The following MDGA2 variants were observed in gnomAD, a reference collection of about 807,000 sequenced individuals.
MDGA2 encodes MAM domain containing glycosylphosphatidylinositol anchor 2.
In MDGA2, 40 loss-of-function variants were observed where a neutral mutation model predicts 117.8. That is an observed-to-expected ratio of 0.34 (90% CI 0.26 to 0.44). The LOEUF (loss-of-function observed/expected upper bound fraction) is 0.44, where lower values mean the gene tolerates loss of function less well. Among genes scored for constraint, MDGA2 ranks in the 20% least tolerant of loss-of-function variants. The probability of loss-of-function intolerance (pLI) is 1.00; values close to 1 mark genes in which losing one functional copy is unlikely to be tolerated. For synonymous variants in MDGA2, 452 were observed against 439.0 expected (o/e 1.03, Z -0.37); for missense variants, 1,123 against 1,250.6 (o/e 0.90, Z 1.54).
chr14:47,631,338 G>T (rs1308735402), intron 1 of MDGA2, among the ~76,000 whole-genome samples: 1 of 152,154 alleles, frequency 6.6e-6, no homozygotes, highest in South Asian at 2.1e-4. Flanking sequence ...ACACTGGAGA[G>T]TAATTTTTGA....
At chr14:47,233,090 A>G (rs528202446) in intron 2 of MDGA2, among the ~76,000 whole-genome samples, 3 of 152,302 alleles carry the variant, frequency 2.0e-5, no homozygotes, top group Non-Finnish European at 4.4e-5. Flanking sequence ...GTGTACTTAC[A>G]CTTTAATAAA....
chr14:47,054,113 ATC>A (rs1889577250), intron 7 of MDGA2, among the ~76,000 whole-genome samples: 1 of 151,862 alleles, frequency 6.6e-6, no homozygotes. Context: ...CCAGCACCTT[ATC>A]TGATTCCTAT....
intron 1 of MDGA2, among the ~76,000 whole-genome samples, chr14:47,413,078 A>T (rs1384195913): frequency 6.6e-6 from 1 of 152,178 alleles, no homozygotes. Flanking sequence ...ATGTGAATAA[A>T]ATCATTCCAT....
At chr14:47,300,536 C>A (rs1300630745) in intron 2 of MDGA2, among the ~76,000 whole-genome samples, 2 of 151,896 alleles carry the variant, frequency 1.3e-5, no homozygotes, top group South Asian at 4.1e-4. Flanking sequence ...GTTGCCCAGA[C>A]TGGAGTGTGG....
At chr14:46,981,333 G>A (rs1276015788) in intron 8 of MDGA2, among the ~76,000 whole-genome samples, 3 of 152,056 alleles carry the variant, frequency 2.0e-5, no homozygotes, top group Non-Finnish European at 2.9e-5. Flanking sequence ...GAACCCAGAA[G>A]GCAGAGGTTG....
At chr14:47,201,661 A>G (rs1885511931) in intron 3 of MDGA2, among the ~76,000 whole-genome samples, 2 of 152,246 alleles carry the variant, frequency 1.3e-5, no homozygotes, top group Non-Finnish European at 2.9e-5. Flanking sequence ...AATGGACAAC[A>G]CATACGAACT....
chr14:47,619,205 C>T (rs1450246849), intron 1 of MDGA2, among the ~76,000 whole-genome samples: 1 of 151,758 alleles, frequency 6.6e-6, no homozygotes, highest in African/African-American at 2.4e-5. Flanking sequence ...CTATACCGCA[C>T]CTAGCATTGT....
intron 2 of MDGA2, among the ~76,000 whole-genome samples, chr14:47,256,002 T>C (rs1331415465): frequency 6.6e-6 from 1 of 152,050 alleles, no homozygotes; most frequent in African/African-American, 2.4e-5. Context: ...ACTCTCTACA[T>C]TTAGTGGGAA....
intron 8 of MDGA2, among the ~76,000 whole-genome samples, chr14:47,012,101 A>T (rs1430768139): frequency 6.6e-6 from 1 of 152,122 alleles, no homozygotes; most frequent in African/African-American, 2.4e-5. Context: ...AAAATAGTGT[A>T]TGATGACAAG....
intron 9 of MDGA2, among the ~76,000 whole-genome samples, chr14:46,953,294 A>G (rs1885435588): frequency 6.7e-6 from 1 of 150,360 alleles, no homozygotes; most frequent in Non-Finnish European, 1.5e-5. Flanking sequence ...AAAATCTATT[A>G]TATATATACA....
intron 3 of MDGA2, among the ~76,000 whole-genome samples, chr14:47,183,088 T>C (rs1284495228): frequency 6.6e-6 from 1 of 152,186 alleles, no homozygotes; most frequent in African/African-American, 2.4e-5. Context: ...TTTATATGTA[T>C]ACATGTTCAA....
intron 6 of MDGA2, among the ~76,000 whole-genome samples, chr14:47,080,647 C>T (rs1890676123): frequency 6.6e-6 from 1 of 152,184 alleles, no homozygotes; most frequent in Admixed American, 6.5e-5. Flanking sequence ...TTCACTAAAA[C>T]AGCATTAAGT....
intron 1 of MDGA2, among the ~76,000 whole-genome samples, chr14:47,322,850 T>C (rs1267250756): frequency 1.3e-5 from 2 of 152,110 alleles, no homozygotes; most frequent in Non-Finnish European, 2.9e-5. Flanking sequence ...TTTATCAGCA[T>C]TGGATTGCAT....
Position 46,979,631 on chromosome 14 carries a change from T to C in MDGA2, c.1820-21988A>G, listed in dbSNP as rs564146211. ...ATGGAGAAAATTTTAGCAGTCTGAA[T>C]AGATCAAACCAGCCACAATATGCCC... On this transcript the variant is annotated intron_variant, in intron 8 of 16. Transcript: ENST00000399232. 2.6e-5 allele frequency among the ~76,000 whole-genome samples: 4 copies of C among 152,280 alleles called. No homozygotes were observed. In the East Asian group the frequency reaches 5.8e-4, roughly 22 times the overall value.
At chr14:47,425,902 T>C (rs1402119563) in intron 1 of MDGA2, among the ~76,000 whole-genome samples, 1 of 128,148 alleles carries the variant, frequency 7.8e-6, no homozygotes, top group Non-Finnish European at 1.7e-5. Flanking sequence ...TTCACAAATG[T>C]ATAGTCTTTT....
chr14:47,369,609 G>A (rs1247801362), intron 1 of MDGA2, among the ~76,000 whole-genome samples: 1 of 152,152 alleles, frequency 6.6e-6, no homozygotes, highest in Non-Finnish European at 1.5e-5. Context: ...TTCTCATAGT[G>A]TCATAGTGAC....
chr14:47,117,857 A>G (rs1240070334), intron 5 of MDGA2, among the ~76,000 whole-genome samples: 2 of 152,164 alleles, frequency 1.3e-5, no homozygotes, highest in Non-Finnish European at 1.5e-5. Context: ...ATAGTCAACA[A>G]TAATGTACTG....
intron 3 of MDGA2, among the ~76,000 whole-genome samples, chr14:47,203,164 G>A (rs960575118): frequency 2.0e-5 from 3 of 151,932 alleles, no homozygotes; most frequent in Admixed American, 2.0e-4. Flanking sequence ...GCTATAACAA[G>A]GTAGAAGCAT....
intron 8 of MDGA2, among the ~76,000 whole-genome samples, chr14:47,008,482 C>G (rs1887787638): frequency 1.3e-5 from 2 of 151,810 alleles, no homozygotes; most frequent in South Asian, 2.1e-4. Context: ...ACTGATATCC[C>G]TTGGTTTCTA....
Sources: gnomAD v4.1 joint callset for allele counts (sites outside exome capture counted in the v4.1 genomes callset) on GRCh38, gnomAD v4.1.1 for gene constraint, MANE v1.5 for transcripts, NCBI Gene and HGNC (gene_info 2026-07-23, HGNC 2026-07-21) for gene names.